Variants in LARGE1 observed in about 807,000 individuals in gnomAD.
LARGE1 encodes the protein LARGE xylosyl- and glucuronyltransferase 1.
Under a neutral mutation model 87.6 loss-of-function variants are expected in LARGE1, and 43 were observed. That is an observed-to-expected ratio of 0.49 (90% CI 0.38 to 0.63). The LOEUF is 0.63. Among genes scored for constraint, LARGE1 ranks in the 30% least tolerant of loss-of-function variants. LARGE1 has a pLI of 0.00. For missense variants in LARGE1, 802 were observed against 1,000.2 expected, an observed-to-expected ratio of 0.80 and a Z score of 2.67; for synonymous variants, 434 against 394.6, an observed-to-expected ratio of 1.10 and a Z score of -1.18.
chr22:33,722,472 A>C (rs1302111782), intron 2 of LARGE1, among the ~76,000 whole-genome samples: 1 of 152,224 alleles, frequency 6.6e-6, no homozygotes, highest in African/African-American at 2.4e-5. Context: ...CAAAAATAAC[A>C]GTAACAAATA....
At chr22:33,480,563 T>C (rs1260951108) in intron 6 of LARGE1, among the ~76,000 whole-genome samples, 1 of 152,154 alleles carries the variant, frequency 6.6e-6, no homozygotes, top group Non-Finnish European at 1.5e-5. Context: ...GTAATGTATA[T>C]ATTCTCCAAG....
chr22:33,392,285 C>T (rs981785892), intron 7 of LARGE1, among the ~76,000 whole-genome samples: 1 of 151,908 alleles, frequency 6.6e-6, no homozygotes, highest in Non-Finnish European at 1.5e-5. Flanking sequence ...AAAAAAGTCA[C>T]TGTGTTTCTA....
intron 6 of LARGE1, among the ~76,000 whole-genome samples, chr22:33,498,247 G>A (rs558418777): frequency 2.0e-5 from 3 of 152,166 alleles, no homozygotes; most frequent in Admixed American, 2.0e-4. Context: ...CTTGTCCCTG[G>A]CCCCCACGGT....
chr22:33,548,657 C>T (rs761343421), intron 6 of LARGE1, among the ~76,000 whole-genome samples: 1 of 152,166 alleles, frequency 6.6e-6, no homozygotes, highest in Non-Finnish European at 1.5e-5. Flanking sequence ...TCAGGTGATC[C>T]GCCTGTCTCA....
At chr22:33,705,285 C>T (rs2149383623) in intron 2 of LARGE1, among the ~76,000 whole-genome samples, 1 of 152,294 alleles carries the variant, frequency 6.6e-6, no homozygotes, top group African/African-American at 2.4e-5. Context: ...CTGTTCCACC[C>T]CCTTCCATCT....
chr22:33,568,859 CATGG>C (rs560703342), intron 5 of LARGE1, among the ~76,000 whole-genome samples: 1 of 150,364 alleles, frequency 6.7e-6, no homozygotes, highest in Non-Finnish European at 1.5e-5. Context: ...TGGATGAATG[CATGG>C]ATGGATGGAT....
intron 1 of LARGE1, among the ~76,000 whole-genome samples, chr22:33,848,163 CG>C (rs757719752): frequency 4.6e-5 from 7 of 152,200 alleles, no homozygotes; most frequent in Admixed American, 4.6e-4. Flanking sequence ...TTGAGTCCTC[CG>C]TATTTCTTTT....
chr22:33,708,876 G>A (rs1225129763), intron 2 of LARGE1, among the ~76,000 whole-genome samples: 1 of 152,190 alleles, frequency 6.6e-6, no homozygotes, highest in East Asian at 1.9e-4. Flanking sequence ...TGGGATTACA[G>A]GCGCGAGCCA....
intron 11 of LARGE1, among the ~76,000 whole-genome samples, chr22:33,261,071 A>G (rs935753426): frequency 6.6e-6 from 1 of 152,150 alleles, no homozygotes; most frequent in African/African-American, 2.4e-5. Flanking sequence ...ACATTATGGA[A>G]TTTCAGTCAA....
intron 2 of LARGE1, among the ~76,000 whole-genome samples, chr22:33,721,523 C>T (rs544490525): frequency 6.6e-6 from 1 of 152,270 alleles, no homozygotes; most frequent in Admixed American, 6.5e-5. Context: ...CAAGAAAGTA[C>T]ACACACCTAT....
At chr22:33,556,808 C>T (rs917813370) in intron 6 of LARGE1, among the ~76,000 whole-genome samples, 2 of 151,930 alleles carry the variant, frequency 1.3e-5, no homozygotes, top group Non-Finnish European at 2.9e-5. Context: ...GAGATCAAGA[C>T]CAGCGTGGCC....
At chr22:33,688,535 G>C (rs1237543885) in intron 2 of LARGE1, among the ~76,000 whole-genome samples, 1 of 152,072 alleles carries the variant, frequency 6.6e-6, no homozygotes, top group Non-Finnish European at 1.5e-5. Context: ...ATTTTTAGTA[G>C]AGATGGGGTT....
intron 10 of LARGE1, among the ~76,000 whole-genome samples, chr22:33,328,423 T>C (rs912902304): frequency 3.3e-5 from 5 of 151,888 alleles, no homozygotes; most frequent in Admixed American, 2.0e-4. Flanking sequence ...CTATTAAAAA[T>C]ACAAAAATTA....
Position 33,362,611 on chromosome 22 carries a change from G to A in LARGE1, c.1131+19308C>T, listed in dbSNP as rs765496911. ...TTCCTACAAATGGGCTCTGTGCTCAGCAAGAGTGAGCTGTGATTATTACCG... is the reference window on the plus strand; with the variant it reads ...TTCCTACAAATGGGCTCTGTGCTCAACAAGAGTGAGCTGTGATTATTACCG... On this transcript the variant is annotated intron_variant, in intron 9 of 14. Coordinates refer to ENST00000397394, the MANE Select transcript of LARGE1 (RefSeq NM_133642.5). Among the ~76,000 whole-genome samples, 80 of 149,968 alleles carry A rather than the reference G, an allele frequency of 5.3e-4. 13 individuals carry two copies. The highest frequency in any genetic ancestry group is 1.5e-4 in the Non-Finnish European group (10 of 67,188).
chr22:33,760,235 C>T (rs1203981700), intron 2 of LARGE1, among the ~76,000 whole-genome samples: 1 of 152,140 alleles, frequency 6.6e-6, no homozygotes, highest in Admixed American at 6.6e-5. Flanking sequence ...CTGCCGTTCC[C>T]TCTCTCTCTG....
chr22:33,790,663 GAT>G (rs1198327939), intron 1 of LARGE1, among the ~76,000 whole-genome samples: 1 of 152,094 alleles, frequency 6.6e-6, no homozygotes, highest in Non-Finnish European at 1.5e-5. Flanking sequence ...TTTGCCTTCA[GAT>G]ATATGATGAA....
At chr22:33,536,842 A>C (rs991466196) in intron 6 of LARGE1, among the ~76,000 whole-genome samples, 5 of 152,132 alleles carry the variant, frequency 3.3e-5, no homozygotes, top group Non-Finnish European at 5.9e-5. Flanking sequence ...ACAGAGTTTC[A>C]CTCTTGTTGC....
chr22:33,107,190 T>TA, the LARGE1 span, among the ~76,000 whole-genome samples: 2 of 152,216 alleles, frequency 1.3e-5, no homozygotes, highest in African/African-American at 4.8e-5. Context: ...TTCAAACATT[T>TA]AAAAAACATT....
chr22:33,441,627 A>C (rs62225297), intron 6 of LARGE1, among the ~76,000 whole-genome samples: 1 of 151,702 alleles, frequency 6.6e-6, no homozygotes, highest in Non-Finnish European at 1.5e-5. Flanking sequence ...AGCTAACTTT[A>C]AATTTTTTTT....
Sources: gnomAD v4.1 joint callset for allele counts (sites outside exome capture counted in the v4.1 genomes callset) on GRCh38, gnomAD v4.1.1 for gene constraint, MANE v1.5 for transcripts, NCBI Gene and HGNC (gene_info 2026-07-23, HGNC 2026-07-21) for gene names.